PRKD1: variants seen among roughly 807,000 people sequenced by gnomAD.
PRKD1 encodes the protein protein kinase D1, also known as serine/threonine-protein kinase D1.
PRKD1 carries 63 observed loss-of-function variants against 95.9 expected under a neutral mutation model. The observed-to-expected ratio is 0.66, with a 90% CI of 0.54 to 0.81. PRKD1 has a LOEUF of 0.81. Among genes scored for constraint, PRKD1 ranks in the 30% least tolerant of loss-of-function variants. The probability of loss-of-function intolerance (pLI) is 0.00; values close to 1 mark genes in which losing one functional copy is unlikely to be tolerated. For synonymous variants in PRKD1, 425 were observed against 423.1 expected (o/e 1.00, Z -0.05); for missense variants, 1,048 against 1,165.3 (o/e 0.90, Z 1.47).
chr14:29,881,352 G>A (rs755438183), intron 1 of PRKD1, among the ~76,000 whole-genome samples: 1 of 152,040 alleles, frequency 6.6e-6, no homozygotes, highest in Admixed American at 6.6e-5. Context: ...TGTAAGAAGA[G>A]CCTTTCACCT....
Position 29,655,257 on chromosome 14 carries a change from C to T in PRKD1, c.696+8442G>A, listed in dbSNP as rs1359911661. On this transcript the variant is annotated intron_variant, in intron 4 of 17. Coordinates refer to ENST00000331968, the MANE Select transcript of PRKD1 (RefSeq NM_002742.3). ...AAAAATTACACTCACCTAGCTTTCACACTGGACTTATTCTAAGTAGGACAC... is the reference window on the plus strand; with the variant it reads ...AAAAATTACACTCACCTAGCTTTCATACTGGACTTATTCTAAGTAGGACAC... 5.3e-5 allele frequency among the ~76,000 whole-genome samples: 8 copies of T among 152,336 alleles called. 1 individual carries two copies. Among genetic ancestry groups the T allele is most frequent in the African/African-American group, 1.7e-4 (7 of 41,578 alleles).
chr14:29,698,673 G>C (rs970839261), intron 2 of PRKD1, among the ~76,000 whole-genome samples: 1 of 151,794 alleles, frequency 6.6e-6, no homozygotes, highest in Admixed American at 6.6e-5. Context: ...GATAATGTAA[G>C]TGCCTCCTGG....
At chr14:29,599,242 A>T in intron 14 of PRKD1, 117 bp from the exon 15 acceptor site, 1 of 814,252 alleles carries the variant, frequency 1.2e-6, no homozygotes, top group Non-Finnish European at 2.0e-6. Context: ...TTTATGTTAA[A>T]GACACTGAAA....
intron 1 of PRKD1, among the ~76,000 whole-genome samples, chr14:29,737,178 C>A (rs966683721): frequency 6.7e-6 from 1 of 150,372 alleles, no homozygotes; most frequent in Non-Finnish European, 1.5e-5. Flanking sequence ...AAAAATTAGC[C>A]GGGCGCGGTG....
intron 1 of PRKD1, among the ~76,000 whole-genome samples, chr14:29,924,813 CACACTG>C (rs1181138583): frequency 1.3e-5 from 2 of 152,054 alleles, no homozygotes; most frequent in Non-Finnish European, 2.9e-5. Flanking sequence ...TCCTTAACTC[CACACTG>C]ACACTCTGCC....
At chr14:29,771,762 G>C (rs1157928354) in intron 1 of PRKD1, among the ~76,000 whole-genome samples, 1 of 152,168 alleles carries the variant, frequency 6.6e-6, no homozygotes, top group East Asian at 1.9e-4. Context: ...CATGAGGGCT[G>C]GAATGCCTGC....
intron 1 of PRKD1, among the ~76,000 whole-genome samples, chr14:29,802,744 C>G (rs1361364189): frequency 6.6e-6 from 1 of 152,206 alleles, no homozygotes; most frequent in African/African-American, 2.4e-5. Flanking sequence ...GATGGAATAT[C>G]CTTCAAGACC....
rs1020894467 is a variant in PRKD1 at position 29,597,531 on chromosome 14, G to A, written c.2394C>T (p.Phe798=). 23 of 1,612,986 alleles carry A rather than the reference G, an allele frequency of 1.4e-5. No homozygotes were observed. The highest frequency in any genetic ancestry group is 1.9e-5 in the Non-Finnish European group (22 of 1,179,056). ...DIHDQIQNAA[F]MYPPNPWKEI... ...CCTTCCAGGGATTTGGTGGATACAT[G>A]AAAGCTGCATTCTGAATTTGGTCGT... Residue 798 remains phenylalanine, a synonymous_variant, in exon 16 of 18, where the codon TTC becomes TTT. Transcript: ENST00000331968.
chr14:29,645,014 T>C (rs1881036491), intron 4 of PRKD1, among the ~76,000 whole-genome samples: 1 of 152,158 alleles, frequency 6.6e-6, no homozygotes, highest in Non-Finnish European at 1.5e-5. Context: ...TTTCCCAAGA[T>C]CACACAACTT....
intron 1 of PRKD1, among the ~76,000 whole-genome samples, chr14:29,818,562 G>T (rs1890781975): frequency 6.8e-6 from 1 of 147,200 alleles, no homozygotes; most frequent in Non-Finnish European, 1.5e-5. Context: ...GTCTGAAAGA[G>T]AATTCAATCT....
chr14:29,855,242 A>G (rs1227930732), intron 1 of PRKD1, among the ~76,000 whole-genome samples: 1 of 152,110 alleles, frequency 6.6e-6, no homozygotes, highest in Non-Finnish European at 1.5e-5. Context: ...GCCCATGAAA[A>G]CAGCCAGGAG....
At chr14:29,837,427 C>T (rs1364532703) in intron 1 of PRKD1, among the ~76,000 whole-genome samples, 2 of 152,090 alleles carry the variant, frequency 1.3e-5, no homozygotes. Flanking sequence ...ATTGTTTATT[C>T]AGCTTTCTTA....
chr14:29,925,170 C>G (rs903040079), intron 1 of PRKD1, among the ~76,000 whole-genome samples: 1 of 152,040 alleles, frequency 6.6e-6, no homozygotes, highest in African/African-American at 2.4e-5. Context: ...GGAAAGGATT[C>G]CCCTTATAAA....
At chr14:29,755,250 T>C (rs1286776245) in intron 1 of PRKD1, among the ~76,000 whole-genome samples, 2 of 152,140 alleles carry the variant, frequency 1.3e-5, no homozygotes, top group Admixed American at 1.3e-4. Flanking sequence ...TTCTGATCCT[T>C]CCATTTTTTT....
intron 1 of PRKD1, among the ~76,000 whole-genome samples, chr14:29,875,852 C>A (rs1758622622): frequency 1.3e-5 from 2 of 152,148 alleles, no homozygotes; most frequent in Admixed American, 1.3e-4. Flanking sequence ...GTAACACTTA[C>A]TCTCATTTTC....
At chr14:29,785,234 G>T (rs1354211015) in intron 1 of PRKD1, among the ~76,000 whole-genome samples, 1 of 152,220 alleles carries the variant, frequency 6.6e-6, no homozygotes, top group East Asian at 1.9e-4. Flanking sequence ...TGCCAATAAA[G>T]ACCTCTTTTC....
chr14:29,835,562 CTTTATTTA>C (rs538154675), intron 1 of PRKD1, among the ~76,000 whole-genome samples: 1 of 151,960 alleles, frequency 6.6e-6, no homozygotes, highest in African/African-American at 2.4e-5. Flanking sequence ...TTACTCTTTT[CTTTATTTA>C]TTTATTTATT....
At chr14:29,816,202 A>G (rs1447182794) in intron 1 of PRKD1, among the ~76,000 whole-genome samples, 2 of 152,196 alleles carry the variant, frequency 1.3e-5, no homozygotes, top group Admixed American at 6.5e-5. Context: ...TGGGCAACAG[A>G]GCAAGACCAA....
At chr14:29,831,443 T>A (rs1278230281) in intron 1 of PRKD1, among the ~76,000 whole-genome samples, 3 of 146,550 alleles carry the variant, frequency 2.0e-5, no homozygotes, top group African/African-American at 4.9e-5. Flanking sequence ...GTTATTAGAA[T>A]GTTTGGTTTT....
Sources: allele counts gnomAD v4.1 joint callset (sites outside exome capture counted in the v4.1 genomes callset), GRCh38; gene constraint gnomAD v4.1.1; transcripts MANE v1.5; gene names NCBI Gene and HGNC (gene_info 2026-07-23, HGNC 2026-07-21).